Variants in COL3A1 observed in about 807,000 individuals in gnomAD.
COL3A1 encodes collagen type III alpha 1 chain, also known as collagen alpha-1(III) chain.
A neutral mutation model predicts 200.9 loss-of-function variants in COL3A1; 46 were observed. The observed-to-expected ratio is 0.23, with a 90% CI of 0.18 to 0.29. The LOEUF (loss-of-function observed/expected upper bound fraction) is 0.29, where lower values mean the gene tolerates loss of function less well. COL3A1 is among the 10% of genes least tolerant of loss of function. The pLI is 1.00. For missense variants in COL3A1, 1,367 were observed against 1,917.6 expected, an observed-to-expected ratio of 0.71 and a Z score of 5.36; for synonymous variants, 650 against 628.0, an observed-to-expected ratio of 1.03 and a Z score of -0.52.
At chr2:189,001,656 C>A in intron 34 of COL3A1, 67 bp downstream of exon 34, 1 of 1,578,792 alleles carries the variant, frequency 6.3e-7, no homozygotes, top group Non-Finnish European at 8.7e-7. Context: ...TTATGCTTCC[C>A]TTTTTGGCAG....
At chr2:188,987,034 A>G (rs1688077484) in intron 4 of COL3A1, 25 bp from the exon 5 acceptor site, 4 of 1,580,212 alleles carry the variant, frequency 2.5e-6, no homozygotes, top group African/African-American at 2.7e-5. Context: ...TAAAATGATC[A>G]TATCTATTTG....
intron 33 of COL3A1, 23 bp downstream of exon 33, chr2:189,001,473 T>G (rs2271682): frequency 6.2e-7 from 1 of 1,613,886 alleles, no homozygotes; most frequent in Non-Finnish European, 8.5e-7. Context: ...ACTACCTGGA[T>G]ATAAAAAGAA....
intron 50 of COL3A1, among the ~76,000 whole-genome samples, chr2:189,011,383 G>A (rs1049831616): frequency 6.6e-6 from 1 of 152,194 alleles, no homozygotes; most frequent in African/African-American, 2.4e-5. Flanking sequence ...TCCTGAGGAT[G>A]CACTGGTCTA....
Position 189,004,156 on chromosome 2 carries a change from A to T in COL3A1, c.2823+13A>T. 1 of 1,613,820 alleles carries T rather than the reference A, an allele frequency of 6.2e-7. No homozygotes were observed. Among genetic ancestry groups the T allele is most frequent in the Non-Finnish European group, 8.5e-7 (1 of 1,179,934 alleles). On this transcript the variant is annotated intron_variant, in intron 39 of 50. Coordinates refer to ENST00000304636, the MANE Select transcript of COL3A1 (RefSeq NM_000090.4). ...CCAGGGCCCACCAGTAAGTAACTTC[A>T]TTTTTTTAAATTGATTCTACTATTT...
At position 188,994,088 on chromosome 2, in the gene COL3A1, C is replaced by A. The variant is rs1414287681; in HGVS notation, c.1194+6C>A. On this transcript the variant is annotated splice_donor_region_variant and intron_variant, in intron 17 of 50. Coordinates refer to ENST00000304636, the MANE Select transcript of COL3A1 (RefSeq NM_000090.4). The surrounding 1 kb of genome is among the most constrained non-coding windows in gnomAD (Gnocchi z 4.5). ...CTGGTGGTAAAGGCGAAATGGTAAG[C>A]TGTCCCCACTCCTCAGCCTTATCTC... The A allele has an allele frequency of 1.9e-6, 3 of 1,614,176 alleles. No individual in the cohort carries two copies. Among genetic ancestry groups the A allele is most frequent in the Non-Finnish European group, 2.5e-6 (3 of 1,179,992 alleles).
chr2:188,999,600 T>C, intron 31 of COL3A1, 23 bp downstream of exon 31: 2 of 1,607,602 alleles, frequency 1.2e-6, no homozygotes, highest in South Asian at 2.2e-5. Flanking sequence ...TTTCTCTTAA[T>C]TGTTCAATAA....
intron 28 of COL3A1, 42 bp from the exon 29 acceptor site, chr2:188,998,632 G>A (rs1176748263): frequency 7.6e-6 from 12 of 1,584,174 alleles, no homozygotes; most frequent in Non-Finnish European, 1.0e-5. Context: ...TACATAAAAT[G>A]CACTCTGATA....
At position 189,009,214 on chromosome 2, in the gene COL3A1, C is replaced by T. The variant is rs754340753; in HGVS notation, c.3816C>T (p.Leu1272=). The change falls in exon 48 of 51, where the codon CTC becomes CTT. Residue 1272 remains leucine, a synonymous_variant. Transcript: ENST00000304636. Reference sequence around the variant, plus strand: ...ACCTGAAATTCTGCCATCCTGAACTCAAGAGTGGTATGTTTGGTAGTCTTT... The same window carrying T: ...ACCTGAAATTCTGCCATCCTGAACTTAAGAGTGGTATGTTTGGTAGTCTTT... ...CRDLKFCHPE[L]KSGEYWVDPN... 1.2e-6 allele frequency: 2 copies of T among 1,614,088 alleles called. No homozygotes were observed. Among genetic ancestry groups the T allele is most frequent in the South Asian group, 2.2e-5 (2 of 91,086 alleles).
chr2:188,992,965 G>C, intron 15 of COL3A1, 25 bp downstream of exon 15: 1 of 1,609,878 alleles, frequency 6.2e-7, no homozygotes, highest in Non-Finnish European at 8.5e-7. Context: ...CTATAGAAGG[G>C]TATAAAAATA....
Position 189,002,340 on chromosome 2 carries a change from C to A in COL3A1, c.2434C>A (p.Pro812Thr). The change falls in exon 35 of 51, where the codon CCT becomes ACT. Residue 812 changes from proline (P) to threonine (T), a missense_variant. Physicochemically the swap from Pro to Thr is conservative, Grantham distance 38. Transcript: ENST00000304636. ...TGGCCCTCCAGGACCTGCTGGTTTC[C>A]CTGGTGCTCCTGTAAGTGTGAATAT... is the stretch of plus-strand genomic sequence containing the variant. Reference protein sequence around the residue: ...ETGPPGPAGFPGAPGQNGEPG... With the variant: ...ETGPPGPAGFTGAPGQNGEPG... 6.2e-7 allele frequency: 1 copy of A among 1,613,800 alleles called. No individual in the cohort carries two copies. The highest frequency in any genetic ancestry group is 8.5e-7 in the Non-Finnish European group (1 of 1,179,744).
intron 34 of COL3A1, 70 bp from the exon 35 acceptor site, chr2:189,002,228 G>A: frequency 8.1e-7 from 1 of 1,232,934 alleles, no homozygotes; most frequent in Non-Finnish European, 1.2e-6. Flanking sequence ...AAGATGATAA[G>A]ATGACATTTC....
At chr2:189,003,919 A>C in intron 38 of COL3A1, 63 bp from the exon 39 acceptor site, 1 of 1,569,528 alleles carries the variant, frequency 6.4e-7, no homozygotes, top group East Asian at 2.4e-5. Context: ...GAAGTAAGTA[A>C]AAAAAGAAAG....
rs763973508 is a variant in COL3A1, at chr2:188,994,844, T to C, written c.1455+13T>C. On this transcript the variant is annotated intron_variant, in intron 20 of 50. Coordinates refer to ENST00000304636, the MANE Select transcript of COL3A1 (RefSeq NM_000090.4). This position sits in a 1 kb window ranked among gnomAD's most constrained non-coding sequence, Gnocchi z 4.5. ...TGCAGGAGAAAGGGTACGTTTTCCA[T>C]GGGGCATCTAAAAGAAAAGCAGCAT... The C allele has an allele frequency of 1.9e-6, 3 of 1,612,238 alleles. No homozygotes were observed. Among genetic ancestry groups the C allele is most frequent in the Non-Finnish European group, 1.7e-6 (2 of 1,179,234 alleles).
At chr2:188,991,128 A>G (rs1688180191) in intron 11 of COL3A1, 71 bp downstream of exon 11, 1 of 1,485,870 alleles carries the variant, frequency 6.7e-7, no homozygotes, top group Non-Finnish European at 9.3e-7. Context: ...TAAGATTCAT[A>G]TTGTGAGCCT....
At chr2:188,987,183 T>G in intron 5 of COL3A1, 44 bp downstream of exon 5, 1 of 1,514,054 alleles carries the variant, frequency 6.6e-7, no homozygotes, top group East Asian at 2.3e-5. Flanking sequence ...TTATTATCTT[T>G]CTGGTTTGTA....
At chr2:189,004,825 G>A (rs1367168253) in intron 40 of COL3A1, among the ~76,000 whole-genome samples, 1 of 152,074 alleles carries the variant, frequency 6.6e-6, no homozygotes, top group African/African-American at 2.4e-5. Flanking sequence ...ACATTCGTTT[G>A]GTAAACAGGA....
intron 13 of COL3A1, 37 bp from the exon 14 acceptor site, chr2:188,992,147 A>C: frequency 6.2e-7 from 1 of 1,610,190 alleles, no homozygotes; most frequent in Non-Finnish European, 8.5e-7. Context: ...AGCCATTCAG[A>C]ATTAAAAGGA....
intron 15 of COL3A1, 132 bp from the exon 16 acceptor site, chr2:188,993,229 C>G: frequency 1.3e-6 from 1 of 783,652 alleles, no homozygotes; most frequent in Non-Finnish European, 2.2e-6. Flanking sequence ...TTAATGATTC[C>G]TTGCTTTACC....
At position 188,991,010 on chromosome 2, in the gene COL3A1, G is replaced by C; in HGVS notation, c.805G>C (p.Asp269His). Residue 269 changes from aspartate (D) to histidine (H), a missense_variant, in exon 11 of 51, where the codon GAT (aspartate) becomes CAT (histidine). By Grantham distance (81) the Asp-to-His change is moderately conservative. Transcript: ENST00000304636. ...GGTTTTATACATTTCCTAGGGCTTC[G>C]ATGGACGAAATGGAGAAAAGGGTGA... ...FPGMKGHRGF[D>H]GRNGEKGETG... 6.2e-7 allele frequency: 1 copy of C among 1,613,160 alleles called. No homozygotes were observed. The highest frequency in any genetic ancestry group is 8.5e-7 in the Non-Finnish European group (1 of 1,179,462).
Sources: gnomAD v4.1 joint callset for allele counts (sites outside exome capture counted in the v4.1 genomes callset) on GRCh38, gnomAD v4.1.1 for gene constraint, Gnocchi (gnomAD v3.1) non-coding constraint, MANE v1.5 for transcripts, NCBI Gene and HGNC (gene_info 2026-07-23, HGNC 2026-07-21) for gene names.